Variants in AGAP1 observed in about 807,000 individuals in gnomAD.
The protein encoded by AGAP1 is ArfGAP with GTPase domain, ankyrin repeat and PH domain 1.
A neutral mutation model predicts 105.3 loss-of-function variants in AGAP1; 29 were observed. The observed-to-expected ratio is 0.28, with a 90% CI of 0.21 to 0.38. The LOEUF (loss-of-function observed/expected upper bound fraction) is 0.38. AGAP1 is among the 10% of genes least tolerant of loss of function. The pLI, the probability that AGAP1 is intolerant of heterozygous loss-of-function variation, is 1.00. For missense variants in AGAP1, 998 were observed against 1,165.1 expected (o/e 0.86, Z 2.09); for synonymous variants, 509 against 485.9 (o/e 1.05, Z -0.63).
At chr2:236,077,718 A>G (rs768124327) in intron 16 of AGAP1, among the ~76,000 whole-genome samples, 14 of 152,210 alleles carry the variant, frequency 9.2e-5, no homozygotes, top group Non-Finnish European at 1.5e-4. Context: ...TGGGTTTGCA[A>G]TGAAATATTG....
rs1358187782 is a variant in AGAP1 at position 235,882,077 on chromosome 2, G to GT, written c.1051-1261dup. ...TTTTTGTTTTGTTTTGTTTTGGTGGGTTTTTTTGTGTTTGGTTGTTTTTGT... is the reference window on the plus strand; with the variant it reads ...TTTTTGTTTTGTTTTGTTTTGGTGGGTTTTTTTTGTGTTTGGTTGTTTTTGT... On this transcript the variant is annotated intron_variant, in intron 9 of 17. Transcript: ENST00000304032. This position sits in a 1 kb window ranked among gnomAD's most constrained non-coding sequence, Gnocchi z 4.6. 9.9e-5 allele frequency among the ~76,000 whole-genome samples: 15 copies of GT among 152,092 alleles called. No homozygotes were observed. Among genetic ancestry groups the GT allele is most frequent in the Admixed American group, 2.0e-4 (3 of 15,280 alleles).
In AGAP1 at chr2:235,566,128, G is replaced by A. The variant is rs1415115058; in HGVS notation, c.163+71279G>A. Among the ~76,000 whole-genome samples, 2 of 151,966 alleles carry A rather than the reference G, an allele frequency of 1.3e-5. No homozygotes were observed. Among genetic ancestry groups the A allele is most frequent in the Non-Finnish European group, 2.9e-5 (2 of 68,004 alleles). ...ATTATTTGAGGTGGAGTTTCACTCT[G>A]TCGCCCAGGCTAGAGTGCAGTGGCG... On this transcript the variant is annotated intron_variant, in intron 1 of 17. Coordinates refer to ENST00000304032, the MANE Select transcript of AGAP1 (RefSeq NM_001037131.3). The surrounding 1 kb of genome is among the most constrained non-coding windows in gnomAD (Gnocchi z 5.2).
chr2:235,562,600 C>G (rs1944194890), intron 1 of AGAP1, among the ~76,000 whole-genome samples: 1 of 152,118 alleles, frequency 6.6e-6, no homozygotes, highest in Non-Finnish European at 1.5e-5. Flanking sequence ...TCTCTGAGTC[C>G]TTCACAAAAC....
At chr2:235,542,222 G>C (rs553830774) in intron 1 of AGAP1, among the ~76,000 whole-genome samples, 9 of 151,388 alleles carry the variant, frequency 5.9e-5, no homozygotes, top group Non-Finnish European at 8.8e-5. Flanking sequence ...GGTCCCGGGG[G>C]GGGGCCAGTT....
At chr2:235,532,838 C>T (rs1943088740) in intron 1 of AGAP1, among the ~76,000 whole-genome samples, 1 of 152,178 alleles carries the variant, frequency 6.6e-6, no homozygotes, top group African/African-American at 2.4e-5. Context: ...GCAGCCGGTG[C>T]ATGGCTGGCC....
chr2:235,720,112 G>A lies in AGAP1; in HGVS notation c.310+2468G>A, dbSNP rs1951306595. ...TGTTGTAATGTCACTTGTAATGAAG[G>A]GAGCCATACTTGTTGTTTGGGAAAG... On this transcript the variant is annotated intron_variant, in intron 3 of 17. Transcript: ENST00000304032. This position sits in a 1 kb window ranked among gnomAD's most constrained non-coding sequence, Gnocchi z 5.0. 6.6e-6 allele frequency among the ~76,000 whole-genome samples: 1 copy of A among 152,116 alleles called. No homozygotes were observed. The highest frequency in any genetic ancestry group is 2.1e-4 in the South Asian group (1 of 4,822).
At chr2:235,743,739 C>T (rs1376086204) in intron 4 of AGAP1, among the ~76,000 whole-genome samples, 3 of 152,202 alleles carry the variant, frequency 2.0e-5, no homozygotes, top group Non-Finnish European at 4.4e-5. Context: ...AAAAACCTAT[C>T]TAGGAACTAC....
At chr2:235,949,238 A>C (rs567354866) in intron 12 of AGAP1, among the ~76,000 whole-genome samples, 3 of 152,210 alleles carry the variant, frequency 2.0e-5, no homozygotes, top group Non-Finnish European at 4.4e-5. Context: ...TCCATTGAGC[A>C]TTGCCTTTTA....
rs2056064980 is a variant in AGAP1, at chr2:236,000,399, C to T, written c.1645+31776C>T. Among the ~76,000 whole-genome samples the T allele has an allele frequency of 6.6e-6, 1 of 152,182 alleles. No individual in the cohort carries two copies. The highest frequency in any genetic ancestry group is 2.4e-5 in the African/African-American group (1 of 41,458). The stretch of plus-strand genomic sequence containing the variant: ...AAGAACCTGTCAATGGCATTGAGGA[C>T]TTTCTGTACAAAAATCACTACGCGT... On this transcript the variant is annotated intron_variant, in intron 13 of 17. Transcript: ENST00000304032. This position sits in a 1 kb window ranked among gnomAD's most constrained non-coding sequence, Gnocchi z 4.3.
rs2050140161 is a variant in AGAP1, at chr2:235,883,709, G to C, written c.1155+260G>C. On this transcript the variant is annotated intron_variant, in intron 10 of 17. Transcript: ENST00000304032. The surrounding 1 kb of genome is among the most constrained non-coding windows in gnomAD (Gnocchi z 4.5). ...AATTACAATAAAAGGCACAGATGAA[G>C]TAAAATTTTAGATGAGAGTAAAAAG... Among the ~76,000 whole-genome samples, 1 of 152,164 alleles carries C rather than the reference G, an allele frequency of 6.6e-6. No individual in the cohort carries two copies. Among genetic ancestry groups the C allele is most frequent in the Non-Finnish European group, 1.5e-5 (1 of 68,038 alleles).
rs1947924496 is a variant in AGAP1 at position 235,660,816 on chromosome 2, CGTATTGTTCTTGTCCCGTTTTTGCA to C, written c.164-48361_164-48337del. Among the ~76,000 whole-genome samples the C allele has an allele frequency of 6.6e-6, 1 of 152,144 alleles. No homozygotes were observed. Among genetic ancestry groups the C allele is most frequent in the African/African-American group, 2.4e-5 (1 of 41,418 alleles). On this transcript the variant is annotated intron_variant, in intron 1 of 17. Transcript: ENST00000304032. This position sits in a 1 kb window ranked among gnomAD's most constrained non-coding sequence, Gnocchi z 5.3. ...CATCACATCTTATTGTCGCAGCTAC[CGTATTGTTCTTGTCCCGTTTTTGCA>C]GAAATGAAAACCTGATGCAGAGCCT...
intron 12 of AGAP1, among the ~76,000 whole-genome samples, chr2:235,950,617 G>A (rs1160639534): frequency 6.6e-6 from 1 of 152,126 alleles, no homozygotes; most frequent in Non-Finnish European, 1.5e-5. Flanking sequence ...AGCTTTCTCT[G>A]CTGAATAGCC....
intron 13 of AGAP1, among the ~76,000 whole-genome samples, chr2:236,023,689 T>A (rs1317414794): frequency 2.0e-5 from 3 of 152,172 alleles, no homozygotes; most frequent in Non-Finnish European, 4.4e-5. Flanking sequence ...TCCTGCACTC[T>A]TTGTACAGCA....
intron 9 of AGAP1, among the ~76,000 whole-genome samples, chr2:235,822,482 C>G (rs1958846932): frequency 6.6e-6 from 1 of 151,598 alleles, no homozygotes; most frequent in Non-Finnish European, 1.5e-5. Context: ...TGAGGAAGAG[C>G]TGGAGAAGCT....
intron 13 of AGAP1, among the ~76,000 whole-genome samples, chr2:236,004,278 G>A (rs1023039129): frequency 3.3e-5 from 5 of 152,066 alleles, no homozygotes; most frequent in South Asian, 2.1e-4. Flanking sequence ...CCAGCTTAGC[G>A]TGACCCAAGT....
intron 12 of AGAP1, among the ~76,000 whole-genome samples, chr2:235,952,368 T>G (rs1286546178): frequency 6.6e-6 from 1 of 151,806 alleles, no homozygotes. Flanking sequence ...AAAAAAAAAT[T>G]TCATCAGCCA....
Position 235,608,803 on chromosome 2 carries a change from A to G in AGAP1, c.164-100376A>G, listed in dbSNP as rs1042244265. ...TGGCAGGTCTTGAGGTCAGTCTGTC[A>G]GAGGCCTGGGAGATCAGGGGACAAG... On this transcript the variant is annotated intron_variant, in intron 1 of 17. Coordinates refer to ENST00000304032, the MANE Select transcript of AGAP1 (RefSeq NM_001037131.3). The surrounding 1 kb of genome is among the most constrained non-coding windows in gnomAD (Gnocchi z 5.4). Among the ~76,000 whole-genome samples the G allele has an allele frequency of 6.6e-6, 1 of 152,170 alleles. No individual in the cohort carries two copies. The highest frequency in any genetic ancestry group is 2.4e-5 in the African/African-American group (1 of 41,454).
At chr2:235,544,556 G>A (rs1171899568) in intron 1 of AGAP1, among the ~76,000 whole-genome samples, 2 of 152,188 alleles carry the variant, frequency 1.3e-5, no homozygotes, top group Admixed American at 6.5e-5. Context: ...GGCCGACCAC[G>A]GAGCCCCTTC....
intron 3 of AGAP1, among the ~76,000 whole-genome samples, chr2:235,718,861 A>G (rs1008595936): frequency 3.3e-5 from 5 of 152,206 alleles, no homozygotes; most frequent in Admixed American, 3.3e-4. Context: ...ATGCCAGAAA[A>G]TGGCATGATT....
Sources: gnomAD v4.1 joint callset for allele counts (sites outside exome capture counted in the v4.1 genomes callset) on GRCh38, gnomAD v4.1.1 for gene constraint, Gnocchi (gnomAD v3.1) non-coding constraint, MANE v1.5 for transcripts, NCBI Gene and HGNC (gene_info 2026-07-23, HGNC 2026-07-21) for gene names.